The following TASP1 variants were observed in gnomAD, a reference collection of about 807,000 sequenced individuals.
TASP1 encodes the protein taspase 1.
TASP1 carries 16 observed loss-of-function variants against 56.6 expected under a neutral mutation model. The ratio of observed to expected loss-of-function variants is 0.28; its 90% CI spans 0.19 to 0.43. The LOEUF (loss-of-function observed/expected upper bound fraction) is 0.43. Ranked by LOEUF, TASP1 falls within the 20% of genes least tolerant of loss-of-function variation. The pLI, the probability that TASP1 is intolerant of heterozygous loss-of-function variation, is 1.00. For synonymous variants in TASP1, 179 were observed against 184.2 expected (o/e 0.97, Z 0.23); for missense variants, 393 against 511.6 (o/e 0.77, Z 2.24).
chr20:13,488,980 C>T lies in TASP1; in HGVS notation c.875-5643G>A, dbSNP rs1334487529. On this transcript the variant is annotated intron_variant, in intron 10 of 13. Coordinates refer to ENST00000337743, the MANE Select transcript of TASP1 (RefSeq NM_017714.3). ...CTCTCACTTCATCAAACATGCCTGG[C>T]AAAAGCCCACCCTGGAGTAACAGTC... Among the ~76,000 whole-genome samples, 6 of 152,170 alleles carry T rather than the reference C, an allele frequency of 3.9e-5. No individual in the cohort carries two copies. The South Asian group carries it at 6.2e-4, about 16-fold the overall frequency.
At chr20:13,284,365 T>C in the TASP1 span, among the ~76,000 whole-genome samples, 1 of 152,186 alleles carries the variant, frequency 6.6e-6, no homozygotes, top group African/African-American at 2.4e-5. Context: ...GCACTCGGGA[T>C]AGTTTTATTT....
chr20:13,325,804 T>C, the TASP1 span, among the ~76,000 whole-genome samples: 23 of 152,324 alleles, frequency 1.5e-4, no homozygotes, highest in Admixed American at 5.2e-4. Flanking sequence ...AGAAAATTTT[T>C]CAAGTATAAT....
the TASP1 span, among the ~76,000 whole-genome samples, chr20:13,196,622 T>A: frequency 3.3e-5 from 5 of 152,306 alleles, no homozygotes; most frequent in Admixed American, 3.3e-4. Context: ...GAAGGCTTAA[T>A]ATGAAAAAAT....
At chr20:13,370,979 A>G in the TASP1 span, among the ~76,000 whole-genome samples, 1 of 151,970 alleles carries the variant, frequency 6.6e-6, no homozygotes, top group South Asian at 2.1e-4. Context: ...CATTTCCTTT[A>G]TATTCTTTTC....
At chr20:13,318,021 G>A in the TASP1 span, among the ~76,000 whole-genome samples, 1 of 151,824 alleles carries the variant, frequency 6.6e-6, no homozygotes, top group Non-Finnish European at 1.5e-5. Context: ...AAGACTGGGA[G>A]AAAATATTTT....
At chr20:13,468,185 T>C (rs1016652503) in intron 11 of TASP1, among the ~76,000 whole-genome samples, 1 of 139,062 alleles carries the variant, frequency 7.2e-6, no homozygotes, top group Non-Finnish European at 1.6e-5. Context: ...TTTAAATGAC[T>C]AGAAATCTTG....
the TASP1 span, chr20:13,298,835 T>G: frequency 9.2e-7 from 1 of 1,088,392 alleles, no homozygotes; most frequent in Non-Finnish European, 1.3e-6. Context: ...GACTTTAGTG[T>G]CCTCCTGCGG....
At chr20:13,452,599 T>C (rs971064064) in intron 11 of TASP1, among the ~76,000 whole-genome samples, 7 of 152,114 alleles carry the variant, frequency 4.6e-5, no homozygotes, top group Non-Finnish European at 7.4e-5. Flanking sequence ...AACTAGACTA[T>C]CTGTTCACCA....
chr20:13,201,027 C>T, the TASP1 span, among the ~76,000 whole-genome samples: 1 of 152,146 alleles, frequency 6.6e-6, no homozygotes, highest in Non-Finnish European at 1.5e-5. Flanking sequence ...TAGTTGTGAA[C>T]AAAACTGAGT....
chr20:13,417,576 T>C (rs2042300047), intron 12 of TASP1, 55 bp from the exon 13 acceptor site: 12 of 1,594,490 alleles, frequency 7.5e-6, no homozygotes, highest in African/African-American at 1.3e-5. Context: ...GGAAAATAAA[T>C]CTTTGCTTTT....
chr20:13,260,166 G>T, the TASP1 span, among the ~76,000 whole-genome samples: 3 of 152,358 alleles, frequency 2.0e-5, no homozygotes, highest in East Asian at 5.8e-4. Flanking sequence ...AAAGGGAACA[G>T]GTGCCGGTGG....
At chr20:13,199,852 TC>T in the TASP1 span, among the ~76,000 whole-genome samples, 1 of 152,126 alleles carries the variant, frequency 6.6e-6, no homozygotes, top group African/African-American at 2.4e-5. Flanking sequence ...TTCTGTAGAG[TC>T]ACTCCTTCAA....
intron 11 of TASP1, among the ~76,000 whole-genome samples, chr20:13,468,987 A>G (rs186597567): frequency 1.7e-4 from 26 of 152,214 alleles, no homozygotes; most frequent in Non-Finnish European, 3.2e-4. Flanking sequence ...GCAGCTCCCA[A>G]TGATGGGATG....
At chr20:13,177,045 G>A in the TASP1 span, among the ~76,000 whole-genome samples, 1 of 152,048 alleles carries the variant, frequency 6.6e-6, no homozygotes, top group African/African-American at 2.4e-5. Flanking sequence ...TTTGAGACCA[G>A]GCTGGCCAAC....
At chr20:13,341,784 C>A in the TASP1 span, among the ~76,000 whole-genome samples, 1 of 152,176 alleles carries the variant, frequency 6.6e-6, no homozygotes, top group South Asian at 2.1e-4. Context: ...TGGCCAGGCT[C>A]TCTCATGCAT....
the TASP1 span, among the ~76,000 whole-genome samples, chr20:13,180,639 A>G: frequency 2.0e-5 from 3 of 152,170 alleles, no homozygotes; most frequent in Non-Finnish European, 4.4e-5. Flanking sequence ...GAGGAAGTAG[A>G]CTAAGAGGGA....
chr20:13,357,974 A>G, the TASP1 span, among the ~76,000 whole-genome samples: 6 of 152,328 alleles, frequency 3.9e-5, 1 homozygote, highest in Non-Finnish European at 8.8e-5. Context: ...ATCACAAAAG[A>G]AGTGAATAGG....
chr20:13,431,917 C>T (rs8126063), intron 12 of TASP1, among the ~76,000 whole-genome samples: 25,031 of 152,154 alleles, frequency 0.16, 2,415 homozygotes, highest in Middle Eastern at 0.24. Context: ...AGATAGTCCC[C>T]GCCAGCAAGA....
At chr20:13,381,739 A>G in the TASP1 span, among the ~76,000 whole-genome samples, 5 of 152,142 alleles carry the variant, frequency 3.3e-5, no homozygotes, top group Admixed American at 3.3e-4. Context: ...CTTTTCTTAT[A>G]GTCTGCCTCT....
Sources: allele counts gnomAD v4.1 joint callset (sites outside exome capture counted in the v4.1 genomes callset), GRCh38; gene constraint gnomAD v4.1.1; transcripts MANE v1.5; gene names NCBI Gene and HGNC (gene_info 2026-07-23, HGNC 2026-07-21).